PDE11A: variants seen among roughly 807,000 people sequenced by gnomAD.
PDE11A encodes the protein phosphodiesterase 11A, also known as dual 3',5'-cyclic-AMP and -GMP phosphodiesterase 11A.
PDE11A carries 100 observed loss-of-function variants against 100.5 expected under a neutral mutation model. The observed-to-expected ratio is 1.00, with a 90% CI of 0.85 to 1.18. The LOEUF is 1.18. Ranked by LOEUF, PDE11A falls within the 50% of genes most tolerant of loss-of-function variation. The pLI, the probability that PDE11A is intolerant of heterozygous loss-of-function variation, is 0.00. For missense variants in PDE11A, 1,141 were observed against 1,152.6 expected (o/e 0.99, Z 0.15); for synonymous variants, 381 against 420.8 (o/e 0.91, Z 1.16).
chr2:177,847,913 A>G (rs1299434929), intron 5 of PDE11A, among the ~76,000 whole-genome samples: 1 of 152,116 alleles, frequency 6.6e-6, no homozygotes, highest in Non-Finnish European at 1.5e-5. Flanking sequence ...TCATGTACCA[A>G]CTCATTCTTT....
chr2:178,056,354 G>A (rs112237354), intron 1 of PDE11A, among the ~76,000 whole-genome samples: 1 of 152,144 alleles, frequency 6.6e-6, no homozygotes, highest in African/African-American at 2.4e-5. Flanking sequence ...AGAATTGCTG[G>A]CATGGTAACT....
At chr2:177,851,834 T>A (rs992620028) in intron 5 of PDE11A, among the ~76,000 whole-genome samples, 1 of 152,148 alleles carries the variant, frequency 6.6e-6, no homozygotes, top group African/African-American at 2.4e-5. Context: ...TTGTATGGAT[T>A]ATTTCATCAC....
chr2:178,076,967 C>T (rs975033128), upstream of PDE11A, among the ~76,000 whole-genome samples: 2 of 130,122 alleles, frequency 1.5e-5, no homozygotes, highest in Admixed American at 8.4e-5. Flanking sequence ...TTCCTCTTTA[C>T]GTGGCTTCTG....
chr2:177,816,806 C>T, intron 9 of PDE11A, 23 bp downstream of exon 9: 1 of 1,369,166 alleles, frequency 7.3e-7, no homozygotes, highest in East Asian at 2.3e-5. Flanking sequence ...AGCATACAAA[C>T]CTGACATAAA....
At chr2:177,761,955 T>A (rs2082176393) in intron 10 of PDE11A, among the ~76,000 whole-genome samples, 1 of 151,970 alleles carries the variant, frequency 6.6e-6, no homozygotes, top group African/African-American at 2.4e-5. Flanking sequence ...AACAGAAGAG[T>A]TCATCTGTTC....
At chr2:178,107,731 T>C (rs1008191663) in intron 1 of PDE11A, among the ~76,000 whole-genome samples, 3 of 147,736 alleles carry the variant, frequency 2.0e-5, no homozygotes, top group Non-Finnish European at 3.0e-5. Flanking sequence ...CTTTTTTTTT[T>C]TTTTTTTTGA....
At chr2:177,778,505 G>A (rs1484443431) in intron 9 of PDE11A, among the ~76,000 whole-genome samples, 1 of 152,178 alleles carries the variant, frequency 6.6e-6, no homozygotes, top group Non-Finnish European at 1.5e-5. Flanking sequence ...TTGCTCTGCT[G>A]GCAAAGTGGC....
intron 19 of PDE11A, among the ~76,000 whole-genome samples, chr2:177,643,659 G>T (rs1235667321): frequency 6.6e-6 from 1 of 152,200 alleles, no homozygotes; most frequent in African/African-American, 2.4e-5. Flanking sequence ...AAGTAATGAG[G>T]AGCTGAAAGT....
chr2:177,844,417 T>C (rs2083545610), intron 5 of PDE11A, among the ~76,000 whole-genome samples: 1 of 152,036 alleles, frequency 6.6e-6, no homozygotes, highest in African/African-American at 2.4e-5. Context: ...TACCCTCACA[T>C]TAGGGACTGG....
chr2:177,817,504 A>G (rs961879350), intron 8 of PDE11A, among the ~76,000 whole-genome samples: 50 of 152,218 alleles, frequency 3.3e-4, no homozygotes, highest in African/African-American at 1.1e-3. Context: ...GGAAGCGTGT[A>G]AACAAGAGAA....
At chr2:178,091,333 A>T (rs932164936) in intron 2 of PDE11A, among the ~76,000 whole-genome samples, 1 of 152,182 alleles carries the variant, frequency 6.6e-6, no homozygotes, top group Non-Finnish European at 1.5e-5. Flanking sequence ...GGCCTCCCAA[A>T]GTGCTGGGAT....
chr2:178,091,686 T>A (rs571681871), intron 2 of PDE11A, among the ~76,000 whole-genome samples: 1 of 152,290 alleles, frequency 6.6e-6, no homozygotes, highest in Admixed American at 6.5e-5. Flanking sequence ...TTGCAGGGGC[T>A]GCCTCACACT....
intron 5 of PDE11A, among the ~76,000 whole-genome samples, chr2:177,856,091 C>T (rs1311784671): frequency 2.0e-5 from 3 of 152,060 alleles, no homozygotes; most frequent in South Asian, 2.1e-4. Flanking sequence ...ACATAGAGCT[C>T]CTCAGCAAAG....
intron 9 of PDE11A, among the ~76,000 whole-genome samples, chr2:177,814,443 G>C (rs567124665): frequency 1.3e-5 from 2 of 152,090 alleles, no homozygotes; most frequent in African/African-American, 4.8e-5. Context: ...CCAGGGAGCG[G>C]GGTGGATGCC....
intron 19 of PDE11A, among the ~76,000 whole-genome samples, chr2:177,653,605 T>C (rs2080341296): frequency 1.3e-5 from 2 of 152,132 alleles, no homozygotes. Context: ...TTTGTGTCTT[T>C]ATAAGAAGGT....
At chr2:178,042,204 G>A (rs1164147632) in intron 1 of PDE11A, among the ~76,000 whole-genome samples, 2 of 152,112 alleles carry the variant, frequency 1.3e-5, no homozygotes, top group Admixed American at 6.5e-5. Flanking sequence ...CTAAGGCTGG[G>A]TATGGTAGCT....
At chr2:178,082,020 G>A (rs188458819) in intron 2 of PDE11A, among the ~76,000 whole-genome samples, 2 of 152,272 alleles carry the variant, frequency 1.3e-5, no homozygotes, top group Admixed American at 1.3e-4. Flanking sequence ...CCATTGTGGG[G>A]GACTTCAGGC....
chr2:177,644,198 T>C (rs188094540), intron 19 of PDE11A, among the ~76,000 whole-genome samples: 357 of 152,300 alleles, frequency 2.3e-3, no homozygotes, highest in African/African-American at 8.2e-3. Flanking sequence ...ACAGCTTGCA[T>C]TGTGCACCCG....
intron 2 of PDE11A, among the ~76,000 whole-genome samples, chr2:178,083,644 C>T (rs895686444): frequency 1.3e-5 from 2 of 152,114 alleles, no homozygotes; most frequent in Non-Finnish European, 2.9e-5. Flanking sequence ...TAAAGTAGTT[C>T]CTCATACCTT....
Sources: gnomAD v4.1 joint callset for allele counts (sites outside exome capture counted in the v4.1 genomes callset) on GRCh38, gnomAD v4.1.1 for gene constraint, MANE v1.5 for transcripts, NCBI Gene and HGNC (gene_info 2026-07-23, HGNC 2026-07-21) for gene names.